P3H2: variants seen among roughly 807,000 people sequenced by gnomAD.
P3H2 encodes leprecan-like 1.
P3H2 carries 80 observed loss-of-function variants against 87.0 expected under a neutral mutation model. That is an observed-to-expected ratio of 0.92 (90% CI 0.77 to 1.11). P3H2 has a LOEUF of 1.11. Among genes scored for constraint, P3H2 ranks in the 50% least tolerant of loss-of-function variants. The pLI is 0.00. For synonymous variants in P3H2, 367 were observed against 359.3 expected (o/e 1.02, Z -0.24); for missense variants, 1,001 against 923.9 (o/e 1.08, Z -1.08).
intron 1 of P3H2, among the ~76,000 whole-genome samples, chr3:190,039,275 A>G (rs1725526038): frequency 6.6e-6 from 1 of 152,160 alleles, no homozygotes; most frequent in African/African-American, 2.4e-5. Context: ...ACTAATAGTA[A>G]CAGAATCCCC....
chr3:190,066,158 T>TATATATATATATATACACACACACACAC lies in P3H2; in HGVS notation c.480+54093_480+54094insGTGTGTGTGTGTGTATATATATATATAT, dbSNP rs1256956930. On this transcript the variant is annotated intron_variant, in intron 1 of 14. Transcript: ENST00000319332. ...ACTGTGGTGTGTATATATATATATA[T>TATATATATATATATACACACACACACAC]ACACACACACACACACACACATATA... 1.8e-3 allele frequency among the ~76,000 whole-genome samples: 245 copies of TATATATATATATATACACACACACACAC among 134,478 alleles called. 1 individual carries two copies. Among genetic ancestry groups the TATATATATATATATACACACACACACAC allele is most frequent in the African/African-American group, 5.4e-3 (172 of 32,138 alleles). The allele number at this position is 134,478 out of a possible 152,430, so 88.2% of individuals were successfully genotyped here.
intron 1 of P3H2, among the ~76,000 whole-genome samples, chr3:189,998,968 T>C (rs1390327156): frequency 6.6e-6 from 1 of 152,214 alleles, no homozygotes; most frequent in Non-Finnish European, 1.5e-5. Flanking sequence ...CCTCCACTGA[T>C]CTGACAGGAG....
intron 1 of P3H2, among the ~76,000 whole-genome samples, chr3:190,101,609 T>C (rs1352414027): frequency 6.6e-6 from 1 of 151,790 alleles, no homozygotes; most frequent in East Asian, 1.9e-4. Flanking sequence ...AGAAAAACAG[T>C]CTGAAGCAAG....
intron 14 of P3H2, among the ~76,000 whole-genome samples, chr3:189,959,858 A>ATG (rs1491348642): frequency 1.5e-5 from 2 of 131,060 alleles, no homozygotes; most frequent in African/African-American, 6.3e-5. Flanking sequence ...ACTGGAGGAG[A>ATG]TATGTGTGTG....
In P3H2 at chr3:189,956,909, AC is replaced by A. The variant is rs2108898511; in HGVS notation, c.*1002del. ...CATCAGTGGACCCCACTCCTAGGCA[AC>A]CTGGCCATGGTGCCCGGATGCAGGC... On this transcript the variant is annotated 3_prime_UTR_variant, in exon 15 of 15. Coordinates refer to ENST00000319332, the MANE Select transcript of P3H2 (RefSeq NM_018192.4). 2.5e-6 allele frequency: 1 copy of A among 392,470 alleles called. No individual in the cohort carries two copies. The highest frequency in any genetic ancestry group is 3.6e-5 in the East Asian group (1 of 27,640). 24.3% of individuals were successfully genotyped at this position (392,470 alleles called of 1,614,324 possible).
At chr3:189,970,191 A>AATATATAT (rs71175322) in intron 13 of P3H2, among the ~76,000 whole-genome samples, 936 of 53,914 alleles carry the variant, frequency 0.017, 53 homozygotes, top group Middle Eastern at 0.033. Context: ...TATATATGCA[A>AATATATAT]ATATATATAT....
intron 1 of P3H2, among the ~76,000 whole-genome samples, chr3:190,111,393 G>A (rs1712064704): frequency 2.0e-5 from 3 of 152,224 alleles, no homozygotes; most frequent in South Asian, 4.1e-4. Context: ...TTACAGTGCT[G>A]TAAAATTTGG....
At position 190,103,314 on chromosome 3, in the gene P3H2, G is replaced by A. The variant is rs566740127; in HGVS notation, c.480+16938C>T. The stretch of plus-strand genomic sequence containing the variant: ...ATAGTACTATCAGCCATATGTAAAT[G>A]TTTAGGTCAAAGATTCACACACAAT... On this transcript the variant is annotated intron_variant, in intron 1 of 14. Coordinates refer to ENST00000319332, the MANE Select transcript of P3H2 (RefSeq NM_018192.4). Among the ~76,000 whole-genome samples the A allele has an allele frequency of 2.6e-4, 40 of 152,212 alleles. 1 individual carries two copies. The highest frequency in any genetic ancestry group is 5.2e-4 in the Admixed American group (8 of 15,290).
intron 1 of P3H2, among the ~76,000 whole-genome samples, chr3:190,007,972 A>G (rs1317769462): frequency 7.0e-6 from 1 of 143,572 alleles, no homozygotes; most frequent in African/African-American, 2.5e-5. Flanking sequence ...ACACATATAT[A>G]TATATATATA....
At chr3:190,011,126 T>C (rs1190541430) in intron 1 of P3H2, among the ~76,000 whole-genome samples, 2 of 151,842 alleles carry the variant, frequency 1.3e-5, no homozygotes, top group African/African-American at 4.8e-5. Context: ...ATACAAACAA[T>C]TAACTGGGCA....
intron 6 of P3H2, among the ~76,000 whole-genome samples, chr3:189,984,890 A>G (rs1577254555): frequency 6.6e-6 from 1 of 152,248 alleles, no homozygotes; most frequent in Non-Finnish European, 1.5e-5. Flanking sequence ...GGTGGCAGAA[A>G]AACATTTGAA....
At chr3:189,978,450 G>A (rs1723419700) in intron 8 of P3H2, among the ~76,000 whole-genome samples, 1 of 152,254 alleles carries the variant, frequency 6.6e-6, no homozygotes. Flanking sequence ...TTAAGAGAAG[G>A]CTACTGGGAT....
chr3:190,000,081 T>C (rs989422109), intron 1 of P3H2, among the ~76,000 whole-genome samples: 2 of 152,214 alleles, frequency 1.3e-5, no homozygotes, highest in African/African-American at 4.8e-5. Context: ...ACATTGACTA[T>C]TCAAAAATCT....
chr3:190,012,759 T>C (rs188635560), intron 1 of P3H2, among the ~76,000 whole-genome samples: 2 of 152,328 alleles, frequency 1.3e-5, no homozygotes, highest in African/African-American at 4.8e-5. Flanking sequence ...AGTATTATAA[T>C]CATCCACTGT....
At chr3:190,019,785 A>AAT (rs1210566859) in intron 1 of P3H2, among the ~76,000 whole-genome samples, 1,273 of 37,260 alleles carry the variant, frequency 0.034, 112 homozygotes, top group South Asian at 0.072. Context: ...GAAATTAAAA[A>AAT]ATATATATAT....
intron 1 of P3H2, among the ~76,000 whole-genome samples, chr3:189,996,001 C>T (rs1000546533): frequency 2.0e-5 from 3 of 152,160 alleles, no homozygotes; most frequent in Non-Finnish European, 4.4e-5. Flanking sequence ...CCCTTATACA[C>T]TGTTGGTAGG....
intron 1 of P3H2, among the ~76,000 whole-genome samples, chr3:190,049,267 TG>T (rs1056250675): frequency 7.8e-5 from 4 of 51,240 alleles, no homozygotes; most frequent in Non-Finnish European, 1.1e-4. Flanking sequence ...AATAGACACA[TG>T]GTTTTTTTTT....
At chr3:190,068,590 C>G (rs113257973) in intron 1 of P3H2, among the ~76,000 whole-genome samples, 9 of 152,254 alleles carry the variant, frequency 5.9e-5, no homozygotes, top group African/African-American at 2.2e-4. Flanking sequence ...GGCAAAAATA[C>G]ATAGAGTAAA....
chr3:189,995,147 G>A, intron 2 of P3H2, 143 bp downstream of exon 2: 4 of 691,360 alleles, frequency 5.8e-6, no homozygotes, highest in Non-Finnish European at 4.6e-6. Context: ...ATTATATTCT[G>A]AGAATTCTGA....
Sources: allele counts gnomAD v4.1 joint callset (sites outside exome capture counted in the v4.1 genomes callset), GRCh38; gene constraint gnomAD v4.1.1; transcripts MANE v1.5; gene names NCBI Gene and HGNC (gene_info 2026-07-23, HGNC 2026-07-21).